The following ROBO1 variants were observed in gnomAD, a reference collection of about 807,000 sequenced individuals.
The protein encoded by ROBO1 is roundabout guidance receptor 1.
A neutral mutation model predicts 195.9 loss-of-function variants in ROBO1; 149 were observed. That is an observed-to-expected ratio of 0.76 (90% CI 0.67 to 0.87). The LOEUF (loss-of-function observed/expected upper bound fraction) is 0.87, where lower values mean the gene tolerates loss of function less well. Among genes scored for constraint, ROBO1 ranks in the 40% least tolerant of loss-of-function variants. ROBO1 has a pLI of 0.00. For synonymous variants in ROBO1, 816 were observed against 733.2 expected, an observed-to-expected ratio of 1.11 and a Z score of -1.82; for missense variants, 1,933 against 2,068.3, an observed-to-expected ratio of 0.93 and a Z score of 1.27.
intron 2 of ROBO1, among the ~76,000 whole-genome samples, chr3:79,485,400 G>A (rs549100804): frequency 1.2e-4 from 18 of 151,596 alleles, no homozygotes; most frequent in African/African-American, 4.1e-4. Context: ...ATATGAAAAC[G>A]GAATAAGTAA....
At chr3:79,570,709 G>A (rs1284631492) in intron 2 of ROBO1, among the ~76,000 whole-genome samples, 1 of 152,158 alleles carries the variant, frequency 6.6e-6, no homozygotes, top group African/African-American at 2.4e-5. Context: ...CAATCGTGCT[G>A]TGTATTAGGT....
At chr3:78,786,942 A>C (rs1026930628) in intron 4 of ROBO1, among the ~76,000 whole-genome samples, 2 of 152,230 alleles carry the variant, frequency 1.3e-5, no homozygotes, top group Non-Finnish European at 2.9e-5. Context: ...ACAGTTAATG[A>C]GTCAACGAGC....
intron 2 of ROBO1, among the ~76,000 whole-genome samples, chr3:79,308,913 A>G (rs2033348867): frequency 1.3e-5 from 2 of 152,188 alleles, no homozygotes; most frequent in Admixed American, 1.3e-4. Flanking sequence ...ACAATATTCA[A>G]AGTTATCTGT....
chr3:79,515,917 A>T (rs1940924094), intron 2 of ROBO1, among the ~76,000 whole-genome samples: 1 of 152,202 alleles, frequency 6.6e-6, no homozygotes, highest in Non-Finnish European at 1.5e-5. Context: ...TGAATAAAAT[A>T]TATTTTACTT....
chr3:79,536,475 A>C (rs2107627850), intron 2 of ROBO1, among the ~76,000 whole-genome samples: 1 of 152,334 alleles, frequency 6.6e-6, no homozygotes, highest in South Asian at 2.1e-4. Context: ...ATTAGAAAAT[A>C]GCTTGTAACA....
At chr3:78,959,088 C>T (rs1309643749) in intron 3 of ROBO1, among the ~76,000 whole-genome samples, 1 of 152,136 alleles carries the variant, frequency 6.6e-6, no homozygotes, top group African/African-American at 2.4e-5. Flanking sequence ...CAGGCATGAG[C>T]ACTGTACCGG....
chr3:79,262,692 A>G (rs1056058679), intron 2 of ROBO1, among the ~76,000 whole-genome samples: 9 of 152,140 alleles, frequency 5.9e-5, no homozygotes, highest in African/African-American at 1.9e-4. Context: ...AGTGTCTTAC[A>G]TGAAAAATAT....
At chr3:79,601,278 T>C (rs934319788) in intron 1 of ROBO1, among the ~76,000 whole-genome samples, 2 of 151,902 alleles carry the variant, frequency 1.3e-5, no homozygotes, top group African/African-American at 4.8e-5. Flanking sequence ...TTCATTCGGA[T>C]GGGATTTCAG....
chr3:78,944,646 G>C (rs2040317989), intron 3 of ROBO1, among the ~76,000 whole-genome samples: 1 of 152,224 alleles, frequency 6.6e-6, no homozygotes, highest in Admixed American at 6.5e-5. Context: ...ATCTCACTGG[G>C]GAGTGCCAGA....
At chr3:78,781,978 C>T (rs564545622) in intron 4 of ROBO1, among the ~76,000 whole-genome samples, 2 of 152,144 alleles carry the variant, frequency 1.3e-5, no homozygotes, top group South Asian at 4.1e-4. Flanking sequence ...CTGTAAAAAG[C>T]AGCTCATTAT....
Position 78,606,745 on chromosome 3 carries a change from G to A in ROBO1, c.4732C>T (p.His1578Tyr), listed in dbSNP as rs1490919469. The A allele has an allele frequency of 1.2e-6, 2 of 1,613,750 alleles. No individual in the cohort carries two copies. Among genetic ancestry groups the A allele is most frequent in the East Asian group, 4.5e-5 (2 of 44,860 alleles). Reference protein sequence around the residue: ...AKRDLPPAKTHLIQEDILPYC... With the variant: ...AKRDLPPAKTYLIQEDILPYC... Reference sequence around the variant, plus strand: ...ATTGGATGAGTACCTTGGATGAGATGAGTCTTTGCTGGTGGAAGGTCTCGT... The same window carrying A: ...ATTGGATGAGTACCTTGGATGAGATAAGTCTTTGCTGGTGGAAGGTCTCGT... Residue 1578 changes from histidine to tyrosine, a missense_variant, in exon 29 of 31, where the codon CAT becomes TAT. Coordinates refer to ENST00000464233, the MANE Select transcript of ROBO1 (RefSeq NM_002941.4).
At position 79,727,499 on chromosome 3, in the gene ROBO1, C is replaced by T. The variant is rs543546671; in HGVS notation, c.-51+40253G>A. Reference sequence around the variant, plus strand: ...CATTTAAATGAATAAAATTTAAATTCAAGGGAGATATAAATATTTTTCATA... The same window carrying T: ...CATTTAAATGAATAAAATTTAAATTTAAGGGAGATATAAATATTTTTCATA... On this transcript the variant is annotated intron_variant, in intron 1 of 30. Transcript: ENST00000464233. 2.2e-3 allele frequency among the ~76,000 whole-genome samples: 338 copies of T among 152,074 alleles called. 2 individuals are homozygous for T. Among genetic ancestry groups the T allele is most frequent in the African/African-American group, 7.6e-3 (317 of 41,496 alleles).
intron 2 of ROBO1, among the ~76,000 whole-genome samples, chr3:79,233,654 G>A (rs1016182267): frequency 2.6e-5 from 4 of 151,936 alleles, no homozygotes; most frequent in East Asian, 1.9e-4. Context: ...GCAAGGCAAC[G>A]GGAAGTCACA....
intron 2 of ROBO1, among the ~76,000 whole-genome samples, chr3:79,533,795 G>C (rs1432244967): frequency 3.9e-5 from 6 of 152,060 alleles, no homozygotes; most frequent in Admixed American, 3.9e-4. Context: ...TTCTATCCAA[G>C]CTTCAAATCA....
chr3:79,001,799 A>G (rs373528450), intron 3 of ROBO1, among the ~76,000 whole-genome samples: 10 of 152,154 alleles, frequency 6.6e-5, no homozygotes, highest in East Asian at 5.8e-4. Context: ...ACTGAAGGCA[A>G]CCTCACTGTG....
chr3:79,652,430 C>T (rs9865392), intron 1 of ROBO1, among the ~76,000 whole-genome samples: 1 of 151,824 alleles, frequency 6.6e-6, no homozygotes, highest in African/African-American at 2.4e-5. Context: ...ATTATGGCAC[C>T]TAGAAGATTA....
chr3:79,381,081 G>A lies in ROBO1; in HGVS notation c.88+208743C>T, dbSNP rs531135017. Among the ~76,000 whole-genome samples, 31 of 152,238 alleles carry A rather than the reference G, an allele frequency of 2.0e-4. 1 individual carries two copies. The South Asian group carries it at 4.4e-3, about 21-fold the overall frequency. On this transcript the variant is annotated intron_variant, in intron 2 of 30. Coordinates refer to ENST00000464233, the MANE Select transcript of ROBO1 (RefSeq NM_002941.4). ...CTTTGGTAAAATAAGAAATGCGGCT[G>A]GGCGCGGTGGCTCACGCCCGTAATC...
At chr3:79,734,483 T>G (rs1393452080) in intron 1 of ROBO1, among the ~76,000 whole-genome samples, 1 of 152,220 alleles carries the variant, frequency 6.6e-6, no homozygotes, top group African/African-American at 2.4e-5. Flanking sequence ...ACACTAAAAC[T>G]GTTTTGCAAA....
At chr3:79,405,317 T>A (rs991184255) in intron 2 of ROBO1, among the ~76,000 whole-genome samples, 1 of 152,192 alleles carries the variant, frequency 6.6e-6, no homozygotes, top group Non-Finnish European at 1.5e-5. Flanking sequence ...GGTGCTCAGA[T>A]GATTGCAAAA....
Sources: allele counts gnomAD v4.1 joint callset (sites outside exome capture counted in the v4.1 genomes callset), GRCh38; gene constraint gnomAD v4.1.1; transcripts MANE v1.5; gene names NCBI Gene and HGNC (gene_info 2026-07-23, HGNC 2026-07-21).